EPHA3: variants seen among roughly 807,000 people sequenced by gnomAD.
EPHA3 encodes ephrin type-A receptor 3.
A neutral mutation model predicts 107.1 loss-of-function variants in EPHA3; 42 were observed. The observed-to-expected ratio is 0.39, with a 90% CI of 0.31 to 0.51. The LOEUF (loss-of-function observed/expected upper bound fraction) is 0.51, where lower values mean the gene tolerates loss of function less well. Among genes scored for constraint, EPHA3 ranks in the 20% least tolerant of loss-of-function variants. The pLI is 0.78. For missense variants in EPHA3, 1,183 were observed against 1,211.2 expected, an observed-to-expected ratio of 0.98 and a Z score of 0.35; for synonymous variants, 461 against 424.8, an observed-to-expected ratio of 1.09 and a Z score of -1.05.
chr3:89,378,824 T>C (rs1708449186), intron 5 of EPHA3, among the ~76,000 whole-genome samples: 1 of 151,956 alleles, frequency 6.6e-6, no homozygotes, highest in East Asian at 1.9e-4. Flanking sequence ...TAAGGCTATT[T>C]TTTCTAATGT....
At chr3:89,298,013 C>T (rs1383093689) in intron 3 of EPHA3, among the ~76,000 whole-genome samples, 2 of 152,066 alleles carry the variant, frequency 1.3e-5, no homozygotes. Flanking sequence ...CCAGCCTGGA[C>T]AACAAAGCAA....
chr3:89,352,500 G>A (rs894783142), intron 5 of EPHA3, among the ~76,000 whole-genome samples: 1 of 150,936 alleles, frequency 6.6e-6, no homozygotes, highest in Admixed American at 6.6e-5. Flanking sequence ...ACAGAATAAA[G>A]CAATAGTATC....
chr3:89,460,138 G>T (rs924594331), intron 15 of EPHA3, among the ~76,000 whole-genome samples: 2 of 151,912 alleles, frequency 1.3e-5, no homozygotes, highest in Non-Finnish European at 2.9e-5. Flanking sequence ...TTTTATTATT[G>T]ACAATATTAA....
chr3:89,468,597 CAG>C (rs1242930573), intron 15 of EPHA3, among the ~76,000 whole-genome samples: 1 of 152,208 alleles, frequency 6.6e-6, no homozygotes, highest in Non-Finnish European at 1.5e-5. Context: ...CTACTGTAGA[CAG>C]AGAAACTGTG....
At chr3:89,375,655 G>C (rs1474338603) in intron 5 of EPHA3, among the ~76,000 whole-genome samples, 3 of 151,888 alleles carry the variant, frequency 2.0e-5, no homozygotes, top group Non-Finnish European at 4.4e-5. Flanking sequence ...AGCCTAAAGT[G>C]CATGAATAGA....
At chr3:89,286,119 C>T (rs1358046247) in intron 3 of EPHA3, among the ~76,000 whole-genome samples, 9 of 136,658 alleles carry the variant, frequency 6.6e-5, no homozygotes, top group Middle Eastern at 4.1e-3. Context: ...TCAATTTCTA[C>T]GTGTGTGTGT....
chr3:89,342,810 C>T (rs546308362), intron 5 of EPHA3, among the ~76,000 whole-genome samples: 24 of 151,232 alleles, frequency 1.6e-4, no homozygotes, highest in African/African-American at 5.6e-4. Context: ...ATTAGGTATA[C>T]ATCCCAAGAA....
At chr3:89,359,832 T>TATATATACATATATATAC (rs747927767) in intron 5 of EPHA3, among the ~76,000 whole-genome samples, 1 of 128,122 alleles carries the variant, frequency 7.8e-6, no homozygotes, top group Non-Finnish European at 1.7e-5. Context: ...CATATATATA[T>TATATATACATATATATAC]ACATATATAT....
intron 7 of EPHA3, among the ~76,000 whole-genome samples, chr3:89,400,687 G>A (rs751887321): frequency 2.0e-4 from 31 of 151,886 alleles, no homozygotes; most frequent in Non-Finnish European, 3.7e-4. Flanking sequence ...TGCTAAAAAT[G>A]TGCTAATATA....
intron 3 of EPHA3, among the ~76,000 whole-genome samples, chr3:89,265,652 A>G (rs1285472842): frequency 6.6e-6 from 1 of 152,180 alleles, no homozygotes; most frequent in African/African-American, 2.4e-5. Context: ...TGCTGAAATT[A>G]TAATTTCAGA....
chr3:89,138,699 G>A (rs933624319), intron 2 of EPHA3, among the ~76,000 whole-genome samples: 3 of 151,880 alleles, frequency 2.0e-5, no homozygotes. Context: ...TAGGTTAATG[G>A]GACCTAGAAT....
intron 6 of EPHA3, among the ~76,000 whole-genome samples, chr3:89,398,592 A>T (rs1462680365): frequency 6.6e-6 from 1 of 151,784 alleles, no homozygotes; most frequent in African/African-American, 2.4e-5. Flanking sequence ...TTGATAAAAA[A>T]AAGTTCTACT....
intron 2 of EPHA3, among the ~76,000 whole-genome samples, chr3:89,150,662 A>T (rs1704672097): frequency 1.3e-5 from 2 of 152,136 alleles, no homozygotes; most frequent in South Asian, 4.1e-4. Flanking sequence ...TGTTTACCAG[A>T]TATCAATTTG....
chr3:89,189,496 G>A (rs1331053463), intron 2 of EPHA3, among the ~76,000 whole-genome samples: 3 of 152,192 alleles, frequency 2.0e-5, no homozygotes, highest in Admixed American at 6.5e-5. Flanking sequence ...GGGAGGCTGA[G>A]GCAGGAGAAT....
chr3:89,113,567 T>TA (rs200754381), intron 1 of EPHA3, among the ~76,000 whole-genome samples: 6 of 80,258 alleles, frequency 7.5e-5, no homozygotes, highest in Non-Finnish European at 1.1e-4. Flanking sequence ...GAAAAGAAAA[T>TA]AAAAAAAGTT....
At chr3:89,437,571 G>A (rs1709698304) in intron 13 of EPHA3, among the ~76,000 whole-genome samples, 1 of 152,130 alleles carries the variant, frequency 6.6e-6, no homozygotes. Flanking sequence ...TTGTAGAACA[G>A]TTTGCCACTG....
intron 3 of EPHA3, among the ~76,000 whole-genome samples, chr3:89,224,439 T>C (rs1484476076): frequency 6.6e-6 from 1 of 152,198 alleles, no homozygotes; most frequent in Non-Finnish European, 1.5e-5. Flanking sequence ...CTTCATTTTA[T>C]TTTTAGAAAG....
intron 11 of EPHA3, among the ~76,000 whole-genome samples, chr3:89,423,935 C>T (rs1709402862): frequency 6.6e-6 from 1 of 151,324 alleles, no homozygotes; most frequent in African/African-American, 2.4e-5. Flanking sequence ...TTTACATATA[C>T]AGTAAATCTC....
At chr3:89,114,633 C>T (rs558830106) in intron 1 of EPHA3, among the ~76,000 whole-genome samples, 3 of 152,338 alleles carry the variant, frequency 2.0e-5, no homozygotes, top group Non-Finnish European at 2.9e-5. Flanking sequence ...TGGGCGAGCG[C>T]AGCCTGATGC....
Sources: gnomAD v4.1 joint callset for allele counts (sites outside exome capture counted in the v4.1 genomes callset) on GRCh38, gnomAD v4.1.1 for gene constraint, MANE v1.5 for transcripts, NCBI Gene and HGNC (gene_info 2026-07-23, HGNC 2026-07-21) for gene names.